The following CSMD1 variants were observed in gnomAD, a reference collection of about 807,000 sequenced individuals.
The protein encoded by CSMD1 is CUB and sushi domain-containing protein 1.
CSMD1 carries 213 observed loss-of-function variants against 417.5 expected under a neutral mutation model. The ratio of observed to expected loss-of-function variants is 0.51; its 90% CI spans 0.46 to 0.57. The LOEUF (loss-of-function observed/expected upper bound fraction) is 0.57, where lower values mean the gene tolerates loss of function less well. Among genes scored for constraint, CSMD1 ranks in the 20% least tolerant of loss-of-function variants. The pLI is 0.00. For synonymous variants in CSMD1, 2,862 were observed against 1,736.8 expected, an observed-to-expected ratio of 1.65 and a Z score of -16.11; for missense variants, 6,923 against 4,529.7, an observed-to-expected ratio of 1.53 and a Z score of -15.17.
intron 5 of CSMD1, among the ~76,000 whole-genome samples, chr8:3,835,110 A>C (rs1424202879): frequency 6.7e-6 from 1 of 148,624 alleles, no homozygotes; most frequent in East Asian, 1.9e-4. Flanking sequence ...ACACTTTTAC[A>C]CTGTTGGTGG....
At chr8:4,282,246 G>T (rs183819628) in intron 3 of CSMD1, among the ~76,000 whole-genome samples, 1 of 152,148 alleles carries the variant, frequency 6.6e-6, no homozygotes, top group Non-Finnish European at 1.5e-5. Context: ...TGCATGCAAA[G>T]GTGAATATAA....
chr8:4,144,698 G>C (rs13263032), intron 3 of CSMD1, among the ~76,000 whole-genome samples: 5 of 150,706 alleles, frequency 3.3e-5, no homozygotes, highest in African/African-American at 5.0e-5. Flanking sequence ...TTACATACTC[G>C]GCAAAGAGTG....
At chr8:3,831,090 G>C (rs997563681) in intron 5 of CSMD1, among the ~76,000 whole-genome samples, 4 of 152,226 alleles carry the variant, frequency 2.6e-5, no homozygotes, top group Middle Eastern at 3.4e-3. Flanking sequence ...CAAATATTGA[G>C]TGTCCAATAC....
chr8:3,615,731 A>G (rs1802104604), intron 8 of CSMD1, among the ~76,000 whole-genome samples: 1 of 152,162 alleles, frequency 6.6e-6, no homozygotes, highest in Non-Finnish European at 1.5e-5. Flanking sequence ...AGCCCACTTC[A>G]GCAGCCTTAG....
At chr8:3,706,914 C>G (rs1254526862) in intron 7 of CSMD1, among the ~76,000 whole-genome samples, 1 of 152,096 alleles carries the variant, frequency 6.6e-6, no homozygotes, top group East Asian at 1.9e-4. Flanking sequence ...TTTTCCCATC[C>G]TTTTCCAATC....
intron 8 of CSMD1, among the ~76,000 whole-genome samples, chr8:3,603,941 G>A (rs1801482827): frequency 6.6e-6 from 1 of 152,076 alleles, no homozygotes; most frequent in Non-Finnish European, 1.5e-5. Flanking sequence ...CTTTTTTATT[G>A]GGAATAATTA....
intron 2 of CSMD1, among the ~76,000 whole-genome samples, chr8:4,428,275 A>G (rs1189455827): frequency 6.6e-6 from 1 of 152,248 alleles, no homozygotes; most frequent in Non-Finnish European, 1.5e-5. Context: ...AAGGAAAATC[A>G]GGACAGCTTG....
chr8:4,117,014 A>G (rs760455808), intron 3 of CSMD1, among the ~76,000 whole-genome samples: 6 of 151,660 alleles, frequency 4.0e-5, no homozygotes, highest in Admixed American at 6.6e-5. Flanking sequence ...CTGACGCTTA[A>G]CCTTTTTTTT....
intron 3 of CSMD1, among the ~76,000 whole-genome samples, chr8:4,134,591 C>G (rs1160015556): frequency 6.6e-6 from 1 of 152,234 alleles, no homozygotes; most frequent in Non-Finnish European, 1.5e-5. Context: ...ATGCATACAA[C>G]TTCCAACAAA....
chr8:3,658,363 A>G (rs1459037613), intron 7 of CSMD1, among the ~76,000 whole-genome samples: 1 of 151,670 alleles, frequency 6.6e-6, no homozygotes, highest in East Asian at 1.9e-4. Context: ...CTTTGTAATA[A>G]GAATTACTCT....
intron 10 of CSMD1, 129 bp from the exon 11 acceptor site, chr8:3,493,855 C>G (rs1796246998): frequency 1.6e-6 from 1 of 635,650 alleles, no homozygotes; most frequent in Non-Finnish European, 2.7e-6. Context: ...GATCCCAGAG[C>G]TGCTTTAAGT....
rs34760693 is a variant in CSMD1 at position 3,141,800 on chromosome 8, C to CTTT, written c.6241+662_6241+664dup. The stretch of plus-strand genomic sequence containing the variant: ...CCCAAGCCCCTGCCCGCCAAATTAT[C>CTTT]TTTTTTTTTTTTTCTGAGATGGAGT... On this transcript the variant is annotated intron_variant, in intron 41 of 69. Coordinates refer to ENST00000635120, the MANE Select transcript of CSMD1 (RefSeq NM_033225.6). Among the ~76,000 whole-genome samples, 106 of 144,256 alleles carry CTTT rather than the reference C, an allele frequency of 7.3e-4. 1 individual carries two copies. Among genetic ancestry groups the CTTT allele is most frequent in the East Asian group, 3.5e-3 (17 of 4,880 alleles). The allele number at this position is 144,256 out of a possible 152,430, so 94.6% of individuals were successfully genotyped here.
intron 20 of CSMD1, among the ~76,000 whole-genome samples, chr8:3,360,512 A>G (rs1321564730): frequency 6.6e-6 from 1 of 152,210 alleles, no homozygotes; most frequent in Non-Finnish European, 1.5e-5. Flanking sequence ...CCAGTCTGTA[A>G]TGCCCAGTTT....
chr8:3,514,560 T>C (rs2117415931), intron 10 of CSMD1, among the ~76,000 whole-genome samples: 1 of 152,326 alleles, frequency 6.6e-6, no homozygotes, highest in African/African-American at 2.4e-5. Context: ...TATGTTATAG[T>C]TGGGGGAATA....
intron 26 of CSMD1, among the ~76,000 whole-genome samples, chr8:3,260,381 T>C (rs1326168751): frequency 6.6e-6 from 1 of 151,874 alleles, no homozygotes; most frequent in Non-Finnish European, 1.5e-5. Flanking sequence ...CGTGTTTCAG[T>C]GGCCGAACAG....
intron 3 of CSMD1, among the ~76,000 whole-genome samples, chr8:4,125,938 G>C (rs891660989): frequency 6.6e-6 from 1 of 152,058 alleles, no homozygotes; most frequent in African/African-American, 2.4e-5. Flanking sequence ...TTCCCAAATT[G>C]CTTCTGGGGA....
At chr8:4,351,099 G>A (rs1007824023) in intron 3 of CSMD1, among the ~76,000 whole-genome samples, 5 of 151,886 alleles carry the variant, frequency 3.3e-5, no homozygotes, top group African/African-American at 1.2e-4. Flanking sequence ...CCAGAGGATC[G>A]CCTGAGCCCA....
At chr8:4,395,850 T>C (rs1459423963) in intron 3 of CSMD1, among the ~76,000 whole-genome samples, 2 of 152,202 alleles carry the variant, frequency 1.3e-5, no homozygotes, top group East Asian at 3.9e-4. Context: ...AATGATAGCA[T>C]GAAAACCATT....
In CSMD1 at chr8:3,052,631, G is replaced by A. The variant is rs376569599; in HGVS notation, c.7491C>T (p.Ile2497=). 58 of 1,609,272 alleles carry A rather than the reference G, an allele frequency of 3.6e-5. No homozygotes were observed. Among genetic ancestry groups the A allele is most frequent in the Non-Finnish European group, 4.8e-5 (57 of 1,177,866 alleles). Residue 2497 remains isoleucine, a synonymous_variant, in exon 50 of 70, where the codon ATC becomes ATT. Transcript: ENST00000635120. ...ATGAACCGTTTCCTGGGGATTCTGGGATTCCACAGGACACAGCTGAAAAGA... is the reference window on the plus strand; with the variant it reads ...ATGAACCGTTTCCTGGGGATTCTGGAATTCCACAGGACACAGCTGAAAAGA... ...TPLCQAVSCG[I]PESPGNGSFT...
Sources: allele counts gnomAD v4.1 joint callset (sites outside exome capture counted in the v4.1 genomes callset), GRCh38; gene constraint gnomAD v4.1.1; transcripts MANE v1.5; gene names NCBI Gene and HGNC (gene_info 2026-07-23, HGNC 2026-07-21).